MMP26: variants seen among roughly 807,000 people sequenced by gnomAD.
MMP26 encodes the protein matrix metalloproteinase-26.
MMP26 carries 33 observed loss-of-function variants against 31.0 expected under a neutral mutation model. The ratio of observed to expected loss-of-function variants is 1.06; its 90% CI spans 0.81 to 1.42. The LOEUF is 1.42. Among genes scored for constraint, MMP26 ranks in the 40% most tolerant of loss-of-function variants. The pLI is 0.00. For missense variants in MMP26, 347 were observed against 316.1 expected, an observed-to-expected ratio of 1.10 and a Z score of -0.74; for synonymous variants, 122 against 114.9, an observed-to-expected ratio of 1.06 and a Z score of -0.40.
intron 2 of MMP26, among the ~76,000 whole-genome samples, chr11:4,786,483 T>C (rs1356101354): frequency 7.1e-6 from 1 of 140,986 alleles, no homozygotes; most frequent in East Asian, 2.1e-4. Flanking sequence ...GGTAGTAAGA[T>C]CTGCTGATCC....
chr11:4,942,056 C>A (rs1365445984), intron 2 of MMP26, among the ~76,000 whole-genome samples: 1 of 112,968 alleles, frequency 8.9e-6, no homozygotes, highest in Non-Finnish European at 1.8e-5. Flanking sequence ...CTGTGCTCTG[C>A]TCCAGCCTGG....
intron 1 of MMP26, among the ~76,000 whole-genome samples, chr11:4,716,963 T>A (rs1352984283): frequency 6.6e-6 from 1 of 152,104 alleles, no homozygotes; most frequent in East Asian, 1.9e-4. Flanking sequence ...TTCCCAGCCC[T>A]TTCTTACCTC....
At chr11:4,831,853 C>G (rs1849650592) in intron 2 of MMP26, among the ~76,000 whole-genome samples, 1 of 152,122 alleles carries the variant, frequency 6.6e-6, no homozygotes, top group Non-Finnish European at 1.5e-5. Context: ...CACCTTCTTT[C>G]TAGCTAGAAA....
chr11:4,810,377 T>C lies in MMP26; in HGVS notation c.-145+43036T>C, dbSNP rs1425159425. ...ACATGTATAAGGCACTGAATTTGCA[T>C]ATAAGAGGAGTATTTGTGTGAATAA... On this transcript the variant is annotated intron_variant, in intron 2 of 7. Coordinates refer to ENST00000380390, the MANE Select transcript of MMP26 (RefSeq NM_021801.5). Among the ~76,000 whole-genome samples, 3 of 152,180 alleles carry C rather than the reference T, an allele frequency of 2.0e-5. No individual in the cohort carries two copies. In the East Asian group the frequency reaches 5.8e-4, roughly 29 times the overall value.
At position 4,986,932 on chromosome 11, in the gene MMP26, C is replaced by CTCTCTCTCCCTCTCTCTCT. The variant is rs1564819722; in HGVS notation, c.-144-1136_-144-1135insTCTCTCTCCCTCTCTCTCT. Among the ~76,000 whole-genome samples, 28 of 60,450 alleles carry CTCTCTCTCCCTCTCTCTCT rather than the reference C, an allele frequency of 4.6e-4. 3 individuals are homozygous for CTCTCTCTCCCTCTCTCTCT. The highest frequency in any genetic ancestry group is 6.8e-4 in the South Asian group (1 of 1,470). 39.7% of individuals were successfully genotyped at this position (60,450 alleles called of 152,430 possible). A position where few individuals can be genotyped will look rare whatever the true frequency, so the allele number is the denominator to read the frequency against. On this transcript the variant is annotated intron_variant, in intron 2 of 7. Coordinates refer to ENST00000380390, the MANE Select transcript of MMP26 (RefSeq NM_021801.5). ...CTCTCTCTCTCTCTCTCTCTCTCTC[C>CTCTCTCTCCCTCTCTCTCT]CTCTCTCTCTCTCTCTCTCTCTCTC...
intron 2 of MMP26, among the ~76,000 whole-genome samples, chr11:4,879,434 A>G (rs1222608732): frequency 6.6e-6 from 1 of 152,164 alleles, no homozygotes; most frequent in East Asian, 1.9e-4. Flanking sequence ...GAGTGGAAAC[A>G]GTTGACATTA....
intron 2 of MMP26, among the ~76,000 whole-genome samples, chr11:4,829,234 C>T (rs1231718569): frequency 6.6e-6 from 1 of 152,120 alleles, no homozygotes; most frequent in East Asian, 1.9e-4. Flanking sequence ...CGGTGTTAAG[C>T]CAACTAGGCC....
At chr11:4,769,087 C>G (rs748142807) in intron 2 of MMP26, 1 of 1,585,554 alleles carries the variant, frequency 6.3e-7, no homozygotes, top group Non-Finnish European at 8.6e-7. Context: ...CATTAGCCAT[C>G]ACTGAATGGA....
chr11:4,787,608 G>T (rs1051165237), intron 2 of MMP26: 11 of 152,084 alleles, frequency 7.2e-5, no homozygotes, highest in African/African-American at 2.7e-4. Context: ...TATTTCCTTG[G>T]CCCCTCTCGG....
chr11:4,908,325 G>A (rs769730941), intron 2 of MMP26: 3 of 1,601,916 alleles, frequency 1.9e-6, no homozygotes, highest in Admixed American at 1.7e-5. Flanking sequence ...GAACAATTAG[G>A]TAATAAATTA....
At chr11:4,945,313 A>G (rs1846278105) in intron 2 of MMP26, 1 of 152,190 alleles carries the variant, frequency 6.6e-6, no homozygotes, top group Non-Finnish European at 1.5e-5. Flanking sequence ...TCTGATGTGA[A>G]AACTCAAGAA....
At chr11:4,939,829 C>T (rs911910484) in intron 2 of MMP26, among the ~76,000 whole-genome samples, 8 of 152,104 alleles carry the variant, frequency 5.3e-5, no homozygotes, top group African/African-American at 1.2e-4. Context: ...GGCCAAGCCA[C>T]AGATAATGAC....
intron 2 of MMP26, among the ~76,000 whole-genome samples, chr11:4,935,543 C>G (rs1851426608): frequency 6.6e-6 from 1 of 151,750 alleles, no homozygotes; most frequent in Admixed American, 6.6e-5. Flanking sequence ...TTGACTTCCT[C>G]TTTTCCTAAT....
At chr11:4,727,189 T>TAAAAAC (rs1242305262) in intron 1 of MMP26, among the ~76,000 whole-genome samples, 1 of 151,854 alleles carries the variant, frequency 6.6e-6, no homozygotes, top group Non-Finnish European at 1.5e-5. Flanking sequence ...AATAAGAAAA[T>TAAAAAC]AAAAACAAAA....
At chr11:4,896,798 G>A (rs1850710108) in intron 2 of MMP26, among the ~76,000 whole-genome samples, 1 of 152,080 alleles carries the variant, frequency 6.6e-6, no homozygotes, top group South Asian at 2.1e-4. Flanking sequence ...AAAAAGAGGA[G>A]TGCTAAAAAC....
At chr11:4,958,968 G>A (rs955233031) in intron 2 of MMP26, among the ~76,000 whole-genome samples, 9 of 152,184 alleles carry the variant, frequency 5.9e-5, no homozygotes, top group Non-Finnish European at 1.2e-4. Context: ...GCCGGGCGCG[G>A]TGGCTCACGC....
chr11:4,900,323 T>G (rs1161107735), intron 2 of MMP26, among the ~76,000 whole-genome samples: 2 of 152,240 alleles, frequency 1.3e-5, no homozygotes, highest in African/African-American at 4.8e-5. Context: ...CCATCATATG[T>G]GTCAATTTCT....
intron 2 of MMP26, among the ~76,000 whole-genome samples, chr11:4,920,958 C>T (rs1051004832): frequency 2.0e-5 from 3 of 152,122 alleles, no homozygotes; most frequent in Non-Finnish European, 4.4e-5. Flanking sequence ...TTAGACATAA[C>T]ACTATATGAA....
At chr11:4,860,036 A>G (rs903546618) in intron 2 of MMP26, 13 of 471,140 alleles carry the variant, frequency 2.8e-5, no homozygotes, top group African/African-American at 2.2e-4. Context: ...TATGAATGAG[A>G]CAAGACATTG....
Sources: gnomAD v4.1 joint callset for allele counts (sites outside exome capture counted in the v4.1 genomes callset) on GRCh38, gnomAD v4.1.1 for gene constraint, MANE v1.5 for transcripts, NCBI Gene and HGNC (gene_info 2026-07-23, HGNC 2026-07-21) for gene names.